The following PRDM16 variants were observed in gnomAD, a reference collection of about 807,000 sequenced individuals.
PRDM16 encodes histone-lysine N-methyltransferase PRDM16.
Under a neutral mutation model 110.6 loss-of-function variants are expected in PRDM16, and 23 were observed. That is an observed-to-expected ratio of 0.21 (90% confidence interval 0.15 to 0.29). The LOEUF is 0.29. Ranked by LOEUF, PRDM16 falls within the 10% of genes least tolerant of loss-of-function variation. PRDM16 has a pLI of 1.00. For missense variants in PRDM16, 1,615 were observed against 1,794.3 expected, an observed-to-expected ratio of 0.90 and a Z score of 1.81; for synonymous variants, 799 against 781.8, an observed-to-expected ratio of 1.02 and a Z score of -0.37.
intron 3 of PRDM16, among the ~76,000 whole-genome samples, chr1:3,314,235 G>A (rs1045128204): frequency 2.6e-5 from 4 of 152,236 alleles, no homozygotes; most frequent in Middle Eastern, 3.4e-3. Context: ...GGACAGGACC[G>A]GTGTGTCTGG....
In PRDM16 at chr1:3,175,176, A is replaced by G. The variant is rs1216235098; in HGVS notation, c.38-10949A>G. On this transcript the variant is annotated intron_variant, in intron 1 of 16. Transcript: ENST00000270722. This position sits in a 1 kb window ranked among gnomAD's most constrained non-coding sequence, Gnocchi z 4.8. ...TACCGCACAGTTTTAAAGACAGAAG[A>G]ACAAGATAGAACTCCATCAGTTCCC... is the stretch of plus-strand genomic sequence containing the variant. Among the ~76,000 whole-genome samples the G allele has an allele frequency of 6.6e-6, 1 of 152,192 alleles. No individual in the cohort carries two copies. The highest frequency in any genetic ancestry group is 2.4e-5 in the African/African-American group (1 of 41,448).
At position 3,148,402 on chromosome 1, in the gene PRDM16, G is replaced by A. The variant is rs1199973618; in HGVS notation, c.38-37723G>A. Among the ~76,000 whole-genome samples, 1 of 152,178 alleles carries A rather than the reference G, an allele frequency of 6.6e-6. No individual in the cohort carries two copies. Among genetic ancestry groups the A allele is most frequent in the African/African-American group, 2.4e-5 (1 of 41,440 alleles). ...CAGGAGGGCCAGTGGCCAGAGGTGAGGAAGGAGCTGTCCGGCAGGGCTGGG... is the reference window on the plus strand; with the variant it reads ...CAGGAGGGCCAGTGGCCAGAGGTGAAGAAGGAGCTGTCCGGCAGGGCTGGG... On this transcript the variant is annotated intron_variant, in intron 1 of 16. Coordinates refer to ENST00000270722, the MANE Select transcript of PRDM16 (RefSeq NM_022114.4). The surrounding 1 kb of genome is among the most constrained non-coding windows in gnomAD (Gnocchi z 5.0).
chr1:3,097,220 A>AG (rs1219873063), intron 1 of PRDM16, among the ~76,000 whole-genome samples: 6 of 32,042 alleles, frequency 1.9e-4, no homozygotes, highest in Middle Eastern at 0.019. Context: ...AGCTGTGTAC[A>AG]AAAGTTTTGG....
chr1:3,194,203 G>A (rs1569817326), intron 2 of PRDM16, among the ~76,000 whole-genome samples: 2 of 152,316 alleles, frequency 1.3e-5, no homozygotes, highest in South Asian at 4.1e-4. Context: ...CACACTGGGG[G>A]GCTATTTAGG....
rs139553534 is a variant in PRDM16 at position 3,193,830 on chromosome 1, C to T, written c.387+7356C>T. On this transcript the variant is annotated intron_variant, in intron 2 of 16. Transcript: ENST00000270722. The stretch of plus-strand genomic sequence containing the variant: ...ACCTGAGGGCAGAGGCTGGGGGCTG[C>T]GGGCTCCCCTTCACTGTGTGTTCGT... 3.7e-3 allele frequency among the ~76,000 whole-genome samples: 567 copies of T among 152,270 alleles called. 8 individuals carry two copies. The highest frequency in any genetic ancestry group is 1.7e-3 in the South Asian group (8 of 4,822).
chr1:3,181,865 C>T (rs540497149), intron 1 of PRDM16, among the ~76,000 whole-genome samples: 4,481 of 101,022 alleles, frequency 0.044, 156 homozygotes, highest in Admixed American at 0.063. Flanking sequence ...CACACGCAGT[C>T]TTACACACGG....
At chr1:3,323,948 G>A (rs1315827174) in intron 3 of PRDM16, among the ~76,000 whole-genome samples, 1 of 152,202 alleles carries the variant, frequency 6.6e-6, no homozygotes, top group African/African-American at 2.4e-5. Context: ...GCTGGTGAAG[G>A]GGTTGCTGCT....
Position 3,244,789 on chromosome 1 carries a change from C to T in PRDM16, c.438+652C>T, listed in dbSNP as rs2500252. On this transcript the variant is annotated intron_variant, in intron 3 of 16. Coordinates refer to ENST00000270722, the MANE Select transcript of PRDM16 (RefSeq NM_022114.4). This position sits in a 1 kb window ranked among gnomAD's most constrained non-coding sequence, Gnocchi z 4.1. ...CTGGGTGTGCACACTGCAGTCCAGACGGCCAGGAGGAGGAATGGCCTGGAA... is the reference window on the plus strand; with the variant it reads ...CTGGGTGTGCACACTGCAGTCCAGATGGCCAGGAGGAGGAATGGCCTGGAA... Among the ~76,000 whole-genome samples, 14,654 of 152,128 alleles carry T rather than the reference C, an allele frequency of 0.096. 763 individuals are homozygous for T. The highest frequency in any genetic ancestry group is 0.17 in the South Asian group (832 of 4,812).
chr1:3,186,814 T>A (rs537923247), intron 2 of PRDM16, among the ~76,000 whole-genome samples: 72 of 152,206 alleles, frequency 4.7e-4, no homozygotes, highest in Non-Finnish European at 6.2e-4. Context: ...TAATAGGAAG[T>A]CCCAGAACAG....
chr1:3,312,740 A>G (rs532713720), intron 3 of PRDM16, among the ~76,000 whole-genome samples: 1 of 152,368 alleles, frequency 6.6e-6, no homozygotes, highest in Non-Finnish European at 1.5e-5. Context: ...CCAAGGAGAC[A>G]TTTATGTTGG....
At chr1:3,396,682 C>G in intron 5 of PRDM16, 89 bp downstream of exon 5, 1 of 622,736 alleles carries the variant, frequency 1.6e-6, no homozygotes, top group Non-Finnish European at 2.8e-6. Flanking sequence ...GACCGAGGGC[C>G]TCTCATCACC....
intron 1 of PRDM16, among the ~76,000 whole-genome samples, chr1:3,120,018 C>A (rs1173815137): frequency 6.6e-6 from 1 of 152,156 alleles, no homozygotes; most frequent in Non-Finnish European, 1.5e-5. Flanking sequence ...TTGGGAGCCC[C>A]GCCTGGTGGC....
At chr1:3,352,949 T>C (rs1429287306) in intron 3 of PRDM16, among the ~76,000 whole-genome samples, 1 of 152,136 alleles carries the variant, frequency 6.6e-6, no homozygotes, top group Non-Finnish European at 1.5e-5. Flanking sequence ...GGGCCCTGAG[T>C]GCCCACCCTG....
rs144154151 is a variant in PRDM16 at position 3,116,593 on chromosome 1, G to A, written c.37+47297G>A. 6.1e-3 allele frequency among the ~76,000 whole-genome samples: 922 copies of A among 152,272 alleles called. 37 individuals carry two copies. The highest frequency in any genetic ancestry group is 0.056 in the Admixed American group (857 of 15,302). ...CTCAGCCCTTCCTCTCTCCCCGCCC[G>A]GGACAGAGGCTGCCCCAGGGGACCG... On this transcript the variant is annotated intron_variant, in intron 1 of 16. Coordinates refer to ENST00000270722, the MANE Select transcript of PRDM16 (RefSeq NM_022114.4).
At chr1:3,251,922 G>A (rs995800540) in intron 3 of PRDM16, among the ~76,000 whole-genome samples, 5 of 152,218 alleles carry the variant, frequency 3.3e-5, no homozygotes, top group African/African-American at 1.2e-4. Flanking sequence ...AGCAAAGTCT[G>A]TGGTAATTGG....
chr1:3,283,943 C>T (rs1325451943), intron 3 of PRDM16, among the ~76,000 whole-genome samples: 2 of 152,214 alleles, frequency 1.3e-5, no homozygotes, highest in Non-Finnish European at 2.9e-5. Context: ...GACCGGTGCG[C>T]GGTGTGTCCA....
At chr1:3,103,376 T>G (rs1215542036) in intron 1 of PRDM16, among the ~76,000 whole-genome samples, 1 of 152,234 alleles carries the variant, frequency 6.6e-6, no homozygotes, top group Non-Finnish European at 1.5e-5. Context: ...CCCGTCCTAA[T>G]GACCTCCCTT....
At chr1:3,304,492 G>A (rs754733448) in intron 3 of PRDM16, among the ~76,000 whole-genome samples, 7 of 152,186 alleles carry the variant, frequency 4.6e-5, no homozygotes, top group African/African-American at 1.2e-4. Context: ...CATCCTTGGC[G>A]TCACGGAGCT....
intron 3 of PRDM16, among the ~76,000 whole-genome samples, chr1:3,279,173 C>T (rs1350939493): frequency 2.0e-5 from 3 of 152,306 alleles, no homozygotes; most frequent in South Asian, 2.1e-4. Context: ...AGCCTCGAAG[C>T]GTCGCTCACC....
Sources: gnomAD v4.1 joint callset for allele counts (sites outside exome capture counted in the v4.1 genomes callset) on GRCh38, gnomAD v4.1.1 for gene constraint, Gnocchi (gnomAD v3.1) non-coding constraint, MANE v1.5 for transcripts, NCBI Gene and HGNC (gene_info 2026-07-23, HGNC 2026-07-21) for gene names.